NELL1: variants seen among roughly 807,000 people sequenced by gnomAD.
NELL1 encodes the protein protein kinase C-binding protein NELL1.
A neutral mutation model predicts 107.4 loss-of-function variants in NELL1; 76 were observed. That is an observed-to-expected ratio of 0.71 (90% CI 0.59 to 0.86). The LOEUF (loss-of-function observed/expected upper bound fraction) is 0.86. Ranked by LOEUF, NELL1 falls within the 40% of genes least tolerant of loss-of-function variation. The pLI, the probability that NELL1 is intolerant of heterozygous loss-of-function variation, is 0.00. For missense variants in NELL1, 1,024 were observed against 1,005.5 expected (o/e 1.02, Z -0.25); for synonymous variants, 353 against 341.2 (o/e 1.03, Z -0.38).
chr11:21,563,704 G>A (rs1400977677), intron 17 of NELL1, among the ~76,000 whole-genome samples: 1 of 151,962 alleles, frequency 6.6e-6, no homozygotes, highest in Non-Finnish European at 1.5e-5. Flanking sequence ...TTGAACATCT[G>A]CAGATCCTGG....
chr11:21,448,060 C>T (rs746703812), intron 15 of NELL1, among the ~76,000 whole-genome samples: 4 of 152,182 alleles, frequency 2.6e-5, no homozygotes, highest in African/African-American at 4.8e-5. Flanking sequence ...AACCACGTAG[C>T]CACTGCCAGG....
chr11:21,204,711 T>G (rs1857350569), intron 13 of NELL1, among the ~76,000 whole-genome samples: 1 of 151,910 alleles, frequency 6.6e-6, no homozygotes, highest in Non-Finnish European at 1.5e-5. Context: ...TCTGGAATTT[T>G]CAGTCTTTTT....
chr11:20,811,410 G>A (rs1414731658), intron 3 of NELL1, among the ~76,000 whole-genome samples: 1 of 151,836 alleles, frequency 6.6e-6, no homozygotes, highest in Non-Finnish European at 1.5e-5. Flanking sequence ...GCTCAAGATT[G>A]TTTTGGCTAT....
intron 14 of NELL1, among the ~76,000 whole-genome samples, chr11:21,350,988 G>A (rs1429619958): frequency 6.6e-6 from 1 of 151,986 alleles, no homozygotes; most frequent in Non-Finnish European, 1.5e-5. Context: ...GTATCATCTT[G>A]GATTTAGCAT....
chr11:20,732,904 T>C (rs1265668862), intron 2 of NELL1, among the ~76,000 whole-genome samples: 5 of 152,302 alleles, frequency 3.3e-5, no homozygotes, highest in Admixed American at 3.3e-4. Flanking sequence ...CATTCCAGGT[T>C]CTGGTGATAC....
At chr11:20,726,724 C>T (rs1855516668) in intron 2 of NELL1, among the ~76,000 whole-genome samples, 1 of 152,058 alleles carries the variant, frequency 6.6e-6, no homozygotes, top group Admixed American at 6.6e-5. Context: ...TTAGGTATTT[C>T]TCCTAATGCT....
At chr11:20,916,149 C>A (rs1394822460) in intron 5 of NELL1, among the ~76,000 whole-genome samples, 3 of 151,742 alleles carry the variant, frequency 2.0e-5, no homozygotes, top group Non-Finnish European at 4.4e-5. Context: ...ATACCAAGTG[C>A]TTTGGGTTTT....
chr11:21,015,069 A>G (rs1287437637), intron 12 of NELL1, among the ~76,000 whole-genome samples: 1 of 151,840 alleles, frequency 6.6e-6, no homozygotes. Flanking sequence ...TGTCATGTCA[A>G]TTCTCTTTTT....
intron 13 of NELL1, among the ~76,000 whole-genome samples, chr11:21,189,328 T>G (rs1857000760): frequency 6.6e-6 from 1 of 151,940 alleles, no homozygotes; most frequent in African/African-American, 2.4e-5. Flanking sequence ...TTCTAAAGTT[T>G]GGAACATTAT....
At chr11:20,927,751 C>T (rs1472561293) in intron 8 of NELL1, among the ~76,000 whole-genome samples, 1 of 152,172 alleles carries the variant, frequency 6.6e-6, no homozygotes, top group African/African-American at 2.4e-5. Context: ...TTCAAACAAC[C>T]TAATGGTTAT....
At chr11:20,748,876 C>T (rs999037302) in intron 2 of NELL1, among the ~76,000 whole-genome samples, 1 of 27,208 alleles carries the variant, frequency 3.7e-5, no homozygotes, top group South Asian at 9.6e-4. Context: ...ATTCTATCAT[C>T]CATCCATCCA....
At chr11:21,534,241 C>G in intron 15 of NELL1, 133 bp from the exon 16 acceptor site, 2 of 952,266 alleles carry the variant, frequency 2.1e-6, no homozygotes, top group Admixed American at 2.2e-5. Context: ...TTGCTTCTTC[C>G]AGTGACTTTC....
At chr11:21,376,411 C>CT (rs1259599210) in intron 15 of NELL1, among the ~76,000 whole-genome samples, 1 of 151,856 alleles carries the variant, frequency 6.6e-6, no homozygotes, top group African/African-American at 2.4e-5. Context: ...GTCTCTCTGT[C>CT]TTTTTTTACA....
At chr11:20,993,735 T>C (rs1852027972) in intron 12 of NELL1, among the ~76,000 whole-genome samples, 3 of 152,194 alleles carry the variant, frequency 2.0e-5, no homozygotes, top group Admixed American at 2.0e-4. Context: ...CTGCATTGTT[T>C]CAGGAATAAT....
chr11:21,255,108 C>T (rs992850510), intron 14 of NELL1, among the ~76,000 whole-genome samples: 1 of 152,036 alleles, frequency 6.6e-6, no homozygotes, highest in African/African-American at 2.4e-5. Flanking sequence ...TTAATGGAGC[C>T]AAGTGAGAAT....
At chr11:21,000,500 A>T (rs1409840868) in intron 12 of NELL1, among the ~76,000 whole-genome samples, 1 of 152,180 alleles carries the variant, frequency 6.6e-6, no homozygotes, top group Non-Finnish European at 1.5e-5. Context: ...ACATGACATA[A>T]TGCACTTTTA....
intron 13 of NELL1, among the ~76,000 whole-genome samples, chr11:21,149,825 C>CT (rs1277342547): frequency 6.6e-6 from 1 of 152,080 alleles, no homozygotes; most frequent in Non-Finnish European, 1.5e-5. Context: ...TTCTTGTTTA[C>CT]TGCACGTATG....
chr11:21,156,749 T>C (rs1309515292), intron 13 of NELL1, among the ~76,000 whole-genome samples: 3 of 152,100 alleles, frequency 2.0e-5, no homozygotes, highest in Non-Finnish European at 4.4e-5. Flanking sequence ...TGAAATCGTT[T>C]AGTATAATGC....
chr11:21,169,833 G>A, intron 13 of NELL1: 1 of 1,416,906 alleles, frequency 7.1e-7, no homozygotes, highest in Non-Finnish European at 9.9e-7. Flanking sequence ...CCCGATGCAA[G>A]TGCTTGCACC....
Sources: gnomAD v4.1 joint callset for allele counts (sites outside exome capture counted in the v4.1 genomes callset) on GRCh38, gnomAD v4.1.1 for gene constraint, MANE v1.5 for transcripts, NCBI Gene and HGNC (gene_info 2026-07-23, HGNC 2026-07-21) for gene names.